Variants in CCDC40 observed in about 807,000 individuals in gnomAD.
CCDC40 encodes the protein coiled-coil domain 40 molecular ruler complex subunit, also known as coiled-coil domain-containing protein 40.
Under a neutral mutation model 124.5 loss-of-function variants are expected in CCDC40, and 104 were observed. The ratio of observed to expected loss-of-function variants is 0.84; its 90% CI spans 0.71 to 0.98. The LOEUF is 0.98. Among genes scored for constraint, CCDC40 ranks in the 50% least tolerant of loss-of-function variants. The pLI is 0.00. For missense variants in CCDC40, 1,463 were observed against 1,503.9 expected (o/e 0.97, Z 0.45); for synonymous variants, 580 against 602.9 (o/e 0.96, Z 0.56).
At chr17:80,071,656 C>T (rs566984589) in intron 10 of CCDC40, among the ~76,000 whole-genome samples, 30 of 152,188 alleles carry the variant, frequency 2.0e-4, no homozygotes, top group African/African-American at 6.3e-4. Flanking sequence ...GTTTTCAGCA[C>T]GGTATTCAAT....
intron 1 of CCDC40, among the ~76,000 whole-genome samples, chr17:80,037,688 A>AAAAAAAAAATATAT: frequency 1.3e-4 from 6 of 45,678 alleles, no homozygotes; most frequent in African/African-American, 3.5e-4. Context: ...TTTTTTAAAA[A>AAAAAAAAAATATAT]AGATATACAT....
Position 80,050,822 on chromosome 17 carries a change from A to G in CCDC40, c.1159+539A>G, listed in dbSNP as rs561203556. Among the ~76,000 whole-genome samples the G allele has an allele frequency of 2.0e-5, 3 of 152,338 alleles. No homozygotes were observed. The East Asian group carries it at 5.8e-4, about 29-fold the overall frequency. On this transcript the variant is annotated intron_variant, in intron 7 of 19. Coordinates refer to ENST00000397545, the MANE Select transcript of CCDC40 (RefSeq NM_017950.4). ...TAACAGCCAGAGCGTAGAGATTCAA[A>G]ACTGGGAGAGATGGGTGAGCTGCAG... is the stretch of plus-strand genomic sequence containing the variant.
rs2038594561 is a variant in CCDC40 at position 80,086,636 on chromosome 17, C to T, written c.2449+420C>T. 1 of 264,702 alleles carries T rather than the reference C, an allele frequency of 3.8e-6. No homozygotes were observed. The highest frequency in any genetic ancestry group is 2.3e-5 in the African/African-American group (1 of 44,442). 16.4% of individuals were successfully genotyped at this position (264,702 alleles called of 1,614,324 possible). A position where few individuals can be genotyped will look rare whatever the true frequency, so the allele number is the denominator to read the frequency against. Reference sequence around the variant, plus strand: ...ACCATTCCACCGGGGCTCCCCAACCCTTCTGAGGCCCAAGGGGCTGCCAAA... The same window carrying T: ...ACCATTCCACCGGGGCTCCCCAACCTTTCTGAGGCCCAAGGGGCTGCCAAA... On this transcript the variant is annotated intron_variant, in intron 14 of 19. Coordinates refer to ENST00000397545, the MANE Select transcript of CCDC40 (RefSeq NM_017950.4). The surrounding 1 kb of genome is among the most constrained non-coding windows in gnomAD (Gnocchi z 5.5).
At chr17:80,056,007 TATATATA>T (rs2037733923) in intron 7 of CCDC40, among the ~76,000 whole-genome samples, 4 of 41,772 alleles carry the variant, frequency 9.6e-5, no homozygotes, top group African/African-American at 1.9e-4. Flanking sequence ...TATATATATA[TATATATA>T]TATTTTTTTT....
intron 9 of CCDC40, among the ~76,000 whole-genome samples, chr17:80,060,612 C>A (rs573821779): frequency 6.6e-6 from 1 of 152,200 alleles, no homozygotes; most frequent in East Asian, 1.9e-4. Context: ...CATGAAAGAT[C>A]CTTGAACTAT....
chr17:80,049,118 G>A (rs1353800203), intron 5 of CCDC40, among the ~76,000 whole-genome samples: 1 of 152,076 alleles, frequency 6.6e-6, no homozygotes, highest in African/African-American at 2.4e-5. Flanking sequence ...CTCCAGGCTG[G>A]ACGTGGTAGC....
In CCDC40 at chr17:80,084,914, A is replaced by C. The variant is rs766673562; in HGVS notation, c.2161A>C (p.Ile721Leu). ...CCAGAGCGAGATCTCCCGGCGCACG[A>C]TCCTGATCGAGAGGAAGCAAGGGCT... ...NSQSEISRRT[I>L]LIERKQGLIN... The change falls in exon 13 of 20, where the codon ATC becomes CTC. Residue 721 changes from isoleucine (I) to leucine (L), a missense_variant. By Grantham distance (5) the Ile-to-Leu change is conservative. Transcript: ENST00000397545. The C allele has an allele frequency of 1.2e-6, 2 of 1,613,954 alleles. No individual in the cohort carries two copies. The highest frequency in any genetic ancestry group is 1.7e-5 in the Admixed American group (1 of 59,984).
intron 3 of CCDC40, among the ~76,000 whole-genome samples, chr17:80,044,035 ACTT>A (rs774815632): frequency 6.6e-6 from 1 of 152,070 alleles, no homozygotes; most frequent in Non-Finnish European, 1.5e-5. Flanking sequence ...GATGCTTTAT[ACTT>A]CTTAGCACTG....
At chr17:80,072,155 G>C (rs141964250) in intron 10 of CCDC40, among the ~76,000 whole-genome samples, 3,220 of 152,192 alleles carry the variant, frequency 0.021, 53 homozygotes, top group Middle Eastern at 0.031. Flanking sequence ...TTTGGACTTA[G>C]GATATTTTCA....
chr17:80,036,901 C>T, intron 1 of CCDC40: 1 of 472,960 alleles, frequency 2.1e-6, no homozygotes, highest in East Asian at 3.6e-5. Context: ...TCTCACTTCT[C>T]CCCTCCTGTC....
rs76333726 is a variant in CCDC40 at position 80,096,949 on chromosome 17, G to T, written c.3022-296G>T. On this transcript the variant is annotated intron_variant, in intron 18 of 19. Transcript: ENST00000397545. ...AGCCTCAGCCCTGCCCTTGGCACAC[G>T]GCTGCTGAACTGTGCCAGTCTCCTG... Among the ~76,000 whole-genome samples, 356 of 152,254 alleles carry T rather than the reference G, an allele frequency of 2.3e-3. 3 individuals are homozygous for T. Among genetic ancestry groups the T allele is most frequent in the African/African-American group, 8.4e-3 (349 of 41,534 alleles).
intron 19 of CCDC40, chr17:80,098,815 T>G (rs2038856918): frequency 6.6e-6 from 1 of 151,588 alleles, no homozygotes; most frequent in Admixed American, 6.6e-5. Context: ...GGCGGGCGCC[T>G]GTAATCTCAG....
intron 1 of CCDC40, 85 bp downstream of exon 1, chr17:80,036,776 C>T (rs1236130222): frequency 7.7e-7 from 1 of 1,294,838 alleles, no homozygotes; most frequent in Non-Finnish European, 1.0e-6. Context: ...CGCGTCGGCT[C>T]CTGCCTCGCC....
intron 9 of CCDC40, among the ~76,000 whole-genome samples, chr17:80,063,743 G>A (rs1350934607): frequency 2.4e-4 from 37 of 152,106 alleles, no homozygotes; most frequent in South Asian, 6.2e-4. Flanking sequence ...CAGGTGATCC[G>A]TCCGCCTTGA....
chr17:80,067,376 C>T (rs1006751391), intron 10 of CCDC40: 36 of 595,424 alleles, frequency 6.0e-5, no homozygotes, highest in Non-Finnish European at 5.1e-5. Context: ...TTTCTGGGAT[C>T]CCCTGCCTAA....
intron 3 of CCDC40, among the ~76,000 whole-genome samples, chr17:80,045,533 G>C (rs1476728140): frequency 2.0e-5 from 3 of 152,008 alleles, no homozygotes; most frequent in Non-Finnish European, 4.4e-5. Context: ...GCAAAACCCC[G>C]TCTCTACTAA....
At position 80,086,592 on chromosome 17, in the gene CCDC40, C is replaced by G. The variant is rs1183794373; in HGVS notation, c.2449+376C>G. Reference sequence around the variant, plus strand: ...GCTCCTGGTGCTGTCCCCACATCACCTCCAGTTGGGCTTAGAAAACCATTC... The same window carrying G: ...GCTCCTGGTGCTGTCCCCACATCACGTCCAGTTGGGCTTAGAAAACCATTC... On this transcript the variant is annotated intron_variant, in intron 14 of 19. Coordinates refer to ENST00000397545, the MANE Select transcript of CCDC40 (RefSeq NM_017950.4). This position sits in a 1 kb window ranked among gnomAD's most constrained non-coding sequence, Gnocchi z 5.5. 3.4e-6 allele frequency: 1 copy of G among 295,396 alleles called. No individual in the cohort carries two copies. The highest frequency in any genetic ancestry group is 2.2e-5 in the African/African-American group (1 of 45,178). The allele number at this position is 295,396 out of a possible 1,614,324, so 18.3% of individuals were successfully genotyped here.
chr17:80,072,914 G>T (rs1428824443), intron 10 of CCDC40, among the ~76,000 whole-genome samples: 1 of 151,690 alleles, frequency 6.6e-6, no homozygotes, highest in Non-Finnish European at 1.5e-5. Context: ...ACGTGTTTCC[G>T]TTTCTCCCGG....
At position 80,095,856 on chromosome 17, in the gene CCDC40, G is replaced by C. The variant is rs546381428; in HGVS notation, c.3021+405G>C. On this transcript the variant is annotated intron_variant, in intron 18 of 19. Coordinates refer to ENST00000397545, the MANE Select transcript of CCDC40 (RefSeq NM_017950.4). Reference sequence around the variant, plus strand: ...TGGGAAGGCATAGAGTTCTGGGGAAGAGGCCAGCTCATGCTGGGGAGCCCG... The same window carrying C: ...TGGGAAGGCATAGAGTTCTGGGGAACAGGCCAGCTCATGCTGGGGAGCCCG... Among the ~76,000 whole-genome samples the C allele has an allele frequency of 1.3e-3, 196 of 152,374 alleles. 1 individual carries two copies. Among genetic ancestry groups the C allele is most frequent in the African/African-American group, 4.4e-3 (182 of 41,594 alleles).
Sources: allele counts gnomAD v4.1 joint callset (sites outside exome capture counted in the v4.1 genomes callset), GRCh38; gene constraint gnomAD v4.1.1; non-coding constraint Gnocchi (gnomAD v3.1); transcripts MANE v1.5; gene names NCBI Gene and HGNC (gene_info 2026-07-23, HGNC 2026-07-21).